ZNF521: variants seen among roughly 807,000 people sequenced by gnomAD.
ZNF521 encodes the protein zinc finger protein 521, also known as LYST-interacting protein 3.
In ZNF521, 14 loss-of-function variants were observed where a neutral mutation model predicts 105.5. That is an observed-to-expected ratio of 0.13 (90% CI 0.09 to 0.21). The LOEUF (loss-of-function observed/expected upper bound fraction) is 0.21. ZNF521 is among the 10% of genes least tolerant of loss of function. The pLI is 1.00. For missense variants in ZNF521, 1,233 were observed against 1,629.7 expected (o/e 0.76, Z 4.19); for synonymous variants, 635 against 606.0 (o/e 1.05, Z -0.70).
intron 5 of ZNF521, among the ~76,000 whole-genome samples, chr18:25,128,501 A>G (rs1216124362): frequency 6.6e-6 from 1 of 152,002 alleles, no homozygotes; most frequent in Non-Finnish European, 1.5e-5. Flanking sequence ...GACTGGAAAA[A>G]AAGAAATTAA....
intron 5 of ZNF521, among the ~76,000 whole-genome samples, chr18:25,152,224 A>G (rs999314520): frequency 6.6e-6 from 1 of 152,194 alleles, no homozygotes; most frequent in Non-Finnish European, 1.5e-5. Context: ...CACGCCTGTA[A>G]TCTCAACACT....
At chr18:25,319,654 T>C (rs958533933) in intron 3 of ZNF521, among the ~76,000 whole-genome samples, 1 of 151,878 alleles carries the variant, frequency 6.6e-6, no homozygotes, top group Non-Finnish European at 1.5e-5. Context: ...TAGATATTTA[T>C]ATAGTATCAA....
chr18:25,304,743 T>C (rs964325179), intron 3 of ZNF521, among the ~76,000 whole-genome samples: 6 of 152,236 alleles, frequency 3.9e-5, no homozygotes, highest in African/African-American at 1.4e-4. Flanking sequence ...TATCAGCTCC[T>C]GTGAACATTT....
rs926654957 is a variant in ZNF521 at position 25,181,475 on chromosome 18, G to A, written c.3658+13685C>T. Among the ~76,000 whole-genome samples, 30 of 152,066 alleles carry A rather than the reference G, an allele frequency of 2.0e-4. 1 individual carries two copies. Among genetic ancestry groups the A allele is most frequent in the African/African-American group, 7.2e-4 (30 of 41,400 alleles). On this transcript the variant is annotated intron_variant, in intron 5 of 7. Coordinates refer to ENST00000361524, the MANE Select transcript of ZNF521 (RefSeq NM_015461.3). ...ATTTAATCACGTAAAAACATCACAG[G>A]CGCACAGCTCCCTTTCAACAAGCTG...
intron 3 of ZNF521, among the ~76,000 whole-genome samples, chr18:25,230,692 G>C (rs1275972417): frequency 6.6e-6 from 1 of 152,060 alleles, no homozygotes; most frequent in Non-Finnish European, 1.5e-5. Context: ...GTCTTTCTGG[G>C]TGATGGCAAG....
At chr18:25,268,679 A>C (rs922456831) in intron 3 of ZNF521, among the ~76,000 whole-genome samples, 11 of 152,212 alleles carry the variant, frequency 7.2e-5, no homozygotes, top group Admixed American at 2.0e-4. Context: ...CAGCCAAACT[A>C]ATCTTCTTAA....
In ZNF521 at chr18:25,195,332, T is replaced by C. The variant is rs1600141973; in HGVS notation, c.3574-88A>G. 6 of 1,070,412 alleles carry C rather than the reference T, an allele frequency of 5.6e-6. No individual in the cohort carries two copies. The East Asian group carries it at 1.6e-4, about 28-fold the overall frequency. The allele number at this position is 1,070,412 out of a possible 1,614,324, so 66.3% of individuals were successfully genotyped here. On this transcript the variant is annotated intron_variant, in intron 4 of 7. Transcript: ENST00000361524. ...AAAAAACATTTTTCTGAGATGCTGA[T>C]CTTACCTATGTTGCTAAGGAACAAA...
In ZNF521 at chr18:25,282,246, T is replaced by C. The variant is rs77098191; in HGVS notation, c.220+39762A>G. Among the ~76,000 whole-genome samples, 67 of 152,108 alleles carry C rather than the reference T, an allele frequency of 4.4e-4. No individual in the cohort carries two copies. In the East Asian group the frequency reaches 0.013, roughly 30 times the overall value. On this transcript the variant is annotated intron_variant, in intron 3 of 7. Transcript: ENST00000361524. Reference sequence around the variant, plus strand: ...ACATCCCAAAACTGTTTTGGGGGGATGAGGGGATCAGCTGCCTTTGGAGCC... The same window carrying C: ...ACATCCCAAAACTGTTTTGGGGGGACGAGGGGATCAGCTGCCTTTGGAGCC...
chr18:25,224,403 T>C lies in ZNF521; in HGVS notation c.3515A>G (p.Gln1172Arg). ...RELVPDSNST[Q>R]LKTPQVSPMP... is the part of the protein sequence containing the mutation. ...TGGTGATACTTGGGGCGTTTTCAAC[T>C]GTGTGCTGTTGCTGTCTGGCACGAG... The change falls in exon 4 of 8, where the codon CAG (glutamine) becomes CGG (arginine). Residue 1172 changes from glutamine to arginine, a missense_variant. By Grantham distance (43) the Gln-to-Arg change is conservative (BLOSUM62 1). Coordinates refer to ENST00000361524, the MANE Select transcript of ZNF521 (RefSeq NM_015461.3). 1.2e-6 allele frequency: 2 copies of C among 1,613,998 alleles called. No homozygotes were observed. Among genetic ancestry groups the C allele is most frequent in the East Asian group, 4.5e-5 (2 of 44,852 alleles).
Position 25,192,020 on chromosome 18 carries a change from G to A in ZNF521, c.3658+3140C>T, listed in dbSNP as rs540413437. On this transcript the variant is annotated intron_variant, in intron 5 of 7. Transcript: ENST00000361524. ...ATGTGAAATGAGCAAAGGAAGAGAG[G>A]AAAAATTTTCTCATTGGCACAGATC... Among the ~76,000 whole-genome samples the A allele has an allele frequency of 2.6e-5, 4 of 152,184 alleles. No homozygotes were observed. In the East Asian group the frequency reaches 7.7e-4, roughly 29 times the overall value.
At chr18:25,312,536 G>C (rs189507293) in intron 3 of ZNF521, among the ~76,000 whole-genome samples, 1,042 of 37,464 alleles carry the variant, frequency 0.028, 332 homozygotes, top group African/African-American at 0.093. Context: ...AACCAGGCCG[G>C]GCGCGGTGGC....
In ZNF521 at chr18:25,062,752, C is replaced by CATAAAA; in HGVS notation, c.3907-12_3907-11insTTTTAT. On this transcript the variant is annotated splice_polypyrimidine_tract_variant and intron_variant, in intron 7 of 7. Coordinates refer to ENST00000361524, the MANE Select transcript of ZNF521 (RefSeq NM_015461.3). Reference sequence around the variant, plus strand: ...GGTCATTGTATGATTCTGTAAATAACAAAAAAAAAAAAAAAAAAAAAAAAA... The same window carrying CATAAAA: ...GGTCATTGTATGATTCTGTAAATAACATAAAAAAAAAAAAAAAAAAAAAAAAAAAAA... 5.6e-6 allele frequency: 2 copies of CATAAAA among 359,496 alleles called. No homozygotes were observed. The highest frequency in any genetic ancestry group is 3.3e-5 in the South Asian group (1 of 29,930). 22.3% of individuals were successfully genotyped at this position (359,496 alleles called of 1,614,324 possible). A position where few individuals can be genotyped will look rare whatever the true frequency, so the allele number is the denominator to read the frequency against.
intron 3 of ZNF521, chr18:25,315,890 A>G (rs1284233728): frequency 6.6e-6 from 1 of 152,242 alleles, no homozygotes; most frequent in African/African-American, 2.4e-5. Flanking sequence ...TGGCTCTCTC[A>G]TAACAGAACT....
intron 5 of ZNF521, among the ~76,000 whole-genome samples, chr18:25,193,581 C>A (rs546045962): frequency 1.9e-4 from 29 of 151,968 alleles, no homozygotes; most frequent in Non-Finnish European, 3.8e-4. Context: ...TAACATTTAT[C>A]ATTTGGCAGG....
At chr18:25,212,509 C>CAAAAAAAAAAAAAAA (rs59178760) in intron 4 of ZNF521, among the ~76,000 whole-genome samples, 1 of 21,704 alleles carries the variant, frequency 4.6e-5, no homozygotes, top group Non-Finnish European at 7.7e-5. Context: ...GACTTAGTCT[C>CAAAAAAAAAAAAAAA]AAAAAAAAAA....
chr18:25,230,521 G>A (rs1180276456), intron 3 of ZNF521, among the ~76,000 whole-genome samples: 2 of 152,146 alleles, frequency 1.3e-5, no homozygotes, highest in African/African-American at 4.8e-5. Flanking sequence ...AGGCTTTTTG[G>A]CAGCCACAGT....
intron 5 of ZNF521, among the ~76,000 whole-genome samples, chr18:25,161,007 A>C (rs2035240977): frequency 6.6e-6 from 1 of 152,124 alleles, no homozygotes; most frequent in Admixed American, 6.6e-5. Context: ...CAAGCTAATA[A>C]GGTGACCCTG....
intron 3 of ZNF521, among the ~76,000 whole-genome samples, chr18:25,289,882 G>A (rs930024723): frequency 1.3e-5 from 2 of 152,120 alleles, no homozygotes; most frequent in South Asian, 2.1e-4. Context: ...TATTTATGAC[G>A]TGTTCAAGAA....
intron 3 of ZNF521, among the ~76,000 whole-genome samples, chr18:25,255,851 G>A (rs1908445644): frequency 6.6e-6 from 1 of 151,734 alleles, no homozygotes; most frequent in South Asian, 2.1e-4. Flanking sequence ...CATGTTCACT[G>A]CAGCATAATT....
Sources: allele counts gnomAD v4.1 joint callset (sites outside exome capture counted in the v4.1 genomes callset), GRCh38; gene constraint gnomAD v4.1.1; transcripts MANE v1.5; gene names NCBI Gene and HGNC (gene_info 2026-07-23, HGNC 2026-07-21).